NTRK2: variants seen among roughly 807,000 people sequenced by gnomAD.
NTRK2 encodes BDNF/NT-3 growth factors receptor.
In NTRK2, 13 loss-of-function variants were observed where a neutral mutation model predicts 94.5. The observed-to-expected ratio is 0.14, with a 90% confidence interval of 0.09 to 0.22. The LOEUF (loss-of-function observed/expected upper bound fraction) is 0.22. Among genes scored for constraint, NTRK2 ranks in the 10% least tolerant of loss-of-function variants. The pLI, the probability that NTRK2 is intolerant of heterozygous loss-of-function variation, is 1.00. For missense variants in NTRK2, 639 were observed against 1,071.2 expected (o/e 0.60, Z 5.63); for synonymous variants, 372 against 407.4 (o/e 0.91, Z 1.05).
intron 6 of NTRK2, among the ~76,000 whole-genome samples, chr9:84,718,795 C>T (rs2061874924): frequency 6.6e-6 from 1 of 152,162 alleles, no homozygotes; most frequent in Non-Finnish European, 1.5e-5. Flanking sequence ...TTCATGCTTC[C>T]CAATTCATTT....
intron 12 of NTRK2, among the ~76,000 whole-genome samples, chr9:84,837,918 T>C (rs1316529863): frequency 1.3e-5 from 2 of 152,230 alleles, no homozygotes; most frequent in African/African-American, 4.8e-5. Context: ...AGAATGCCTA[T>C]ATTATTACCA....
chr9:85,005,690 C>T (rs1028185331), intron 17 of NTRK2, among the ~76,000 whole-genome samples: 2 of 152,118 alleles, frequency 1.3e-5, no homozygotes, highest in African/African-American at 4.8e-5. Flanking sequence ...CTGTTCCTGG[C>T]TCTGGGCTTT....
intron 12 of NTRK2, among the ~76,000 whole-genome samples, chr9:84,800,596 G>GC (rs1467847411): frequency 6.6e-6 from 1 of 152,198 alleles, no homozygotes; most frequent in Non-Finnish European, 1.5e-5. Flanking sequence ...AACCCCTTTT[G>GC]CAAAACATTT....
intron 8 of NTRK2, among the ~76,000 whole-genome samples, chr9:84,727,346 T>G (rs1407580114): frequency 2.0e-5 from 3 of 152,198 alleles, no homozygotes; most frequent in African/African-American, 7.2e-5. Flanking sequence ...ATGAACTCTT[T>G]CCGCTGTCAG....
chr9:84,917,329 G>C (rs958128161), intron 14 of NTRK2, among the ~76,000 whole-genome samples: 1 of 152,072 alleles, frequency 6.6e-6, no homozygotes, highest in South Asian at 2.1e-4. Flanking sequence ...TTTGATGATC[G>C]TTTCTGGGTT....
intron 4 of NTRK2, among the ~76,000 whole-genome samples, chr9:84,703,677 A>C (rs1288424187): frequency 6.6e-6 from 1 of 152,256 alleles, no homozygotes; most frequent in Non-Finnish European, 1.5e-5. Flanking sequence ...AGCCAATATC[A>C]TAGCTTCATA....
At chr9:84,828,521 C>T (rs912527940) in intron 12 of NTRK2, among the ~76,000 whole-genome samples, 4 of 152,110 alleles carry the variant, frequency 2.6e-5, no homozygotes, top group Non-Finnish European at 4.4e-5. Flanking sequence ...CTCCCCCTAC[C>T]CCCAGATGAA....
chr9:85,001,078 T>C (rs889943673), intron 17 of NTRK2, among the ~76,000 whole-genome samples: 1 of 152,196 alleles, frequency 6.6e-6, no homozygotes, highest in South Asian at 2.1e-4. Context: ...TATGAAACAA[T>C]TGAGTCTAGT....
chr9:84,971,138 T>C (rs1235840616), intron 17 of NTRK2, among the ~76,000 whole-genome samples: 1 of 152,220 alleles, frequency 6.6e-6, no homozygotes, highest in Non-Finnish European at 1.5e-5. Context: ...ACATCACTTC[T>C]AGAATTCAGG....
rs560827244 is a variant in NTRK2 at position 84,948,764 on chromosome 9, C to T, written c.1937+130C>T. 6.2e-5 allele frequency: 45 copies of T among 727,034 alleles called. No homozygotes were observed. The African/African-American group carries it at 8.0e-4, about 13-fold the overall frequency. The allele number at this position is 727,034 out of a possible 1,614,324, so 45.0% of individuals were successfully genotyped here. A position where few individuals can be genotyped will look rare whatever the true frequency, so the allele number is the denominator to read the frequency against. ...GCATCTTATTTGATAATGACACCAG[C>T]ATATGCCAGAGAAAGGAGGAGAGAA... On this transcript the variant is annotated intron_variant, in intron 16 of 18. Transcript: ENST00000277120.
intron 4 of NTRK2, among the ~76,000 whole-genome samples, chr9:84,703,534 T>C (rs2060859261): frequency 2.6e-5 from 4 of 152,202 alleles, no homozygotes; most frequent in Admixed American, 2.0e-4. Context: ...TCGTCCTCTT[T>C]CTTTTTTTTT....
At chr9:84,679,149 T>G (rs773466878) in intron 2 of NTRK2, among the ~76,000 whole-genome samples, 17 of 152,216 alleles carry the variant, frequency 1.1e-4, no homozygotes, top group Non-Finnish European at 2.1e-4. Flanking sequence ...CCTCTAAAAC[T>G]GTGAGCAATA....
At chr9:84,939,051 C>CAAAAAAAAA (rs138558531) in intron 15 of NTRK2, among the ~76,000 whole-genome samples, 50 of 68,340 alleles carry the variant, frequency 7.3e-4, no homozygotes, top group Middle Eastern at 0.013. Context: ...GACCCCAACT[C>CAAAAAAAAA]AAAAAAAAAA....
At chr9:84,703,159 T>A (rs1265755919) in intron 4 of NTRK2, among the ~76,000 whole-genome samples, 1 of 152,212 alleles carries the variant, frequency 6.6e-6, no homozygotes, top group Non-Finnish European at 1.5e-5. Flanking sequence ...GAGCTCAGAC[T>A]TGTACTCCCA....
Position 84,870,331 on chromosome 9 carries a change from G to GTGTGTGTGTGTATATATA in NTRK2, c.1633+2901_1633+2902insGTGTGTGTGTATATATAT, listed in dbSNP as rs1349303529. On this transcript the variant is annotated intron_variant, in intron 14 of 18. Transcript: ENST00000277120. The stretch of plus-strand genomic sequence containing the variant: ...ATACATATATGTGGGGTGTGTGTGT[G>GTGTGTGTGTGTATATATA]TATATATATATATATATATATATAT... 3.2e-3 allele frequency among the ~76,000 whole-genome samples: 100 copies of GTGTGTGTGTGTATATATA among 31,162 alleles called. 3 individuals are homozygous for GTGTGTGTGTGTATATATA. The highest frequency in any genetic ancestry group is 7.9e-3 in the African/African-American group (90 of 11,326). 20.4% of individuals were successfully genotyped at this position (31,162 alleles called of 152,430 possible).
intron 15 of NTRK2, among the ~76,000 whole-genome samples, chr9:84,940,734 T>TA (rs2078379207): frequency 6.8e-6 from 1 of 147,460 alleles, no homozygotes; most frequent in African/African-American, 2.6e-5. Context: ...CTGGAACAGT[T>TA]TAAAAAAAAA....
intron 17 of NTRK2, among the ~76,000 whole-genome samples, chr9:85,013,819 G>A (rs1337229104): frequency 6.6e-6 from 1 of 152,164 alleles, no homozygotes; most frequent in Non-Finnish European, 1.5e-5. Flanking sequence ...TGGCCTACAA[G>A]TTTCTAAGGG....
chr9:84,966,600 T>G (rs1402876195), intron 17 of NTRK2, among the ~76,000 whole-genome samples: 1 of 152,056 alleles, frequency 6.6e-6, no homozygotes, highest in African/African-American at 2.4e-5. Flanking sequence ...CTGGGCTAAA[T>G]TTTTGTATTT....
intron 14 of NTRK2, chr9:84,874,385 C>A: frequency 9.4e-7 from 1 of 1,065,252 alleles, no homozygotes; most frequent in Non-Finnish European, 1.1e-6. Context: ...CTGGGAAATG[C>A]AGCTTTTCTC....
Sources: allele counts gnomAD v4.1 joint callset (sites outside exome capture counted in the v4.1 genomes callset), GRCh38; gene constraint gnomAD v4.1.1; transcripts MANE v1.5; gene names NCBI Gene and HGNC (gene_info 2026-07-23, HGNC 2026-07-21).